Variants in LRMDA observed in about 807,000 individuals in gnomAD.
LRMDA encodes leucine-rich melanocyte differentiation-associated protein.
In LRMDA, 18 loss-of-function variants were observed where a neutral mutation model predicts 29.8. That is an observed-to-expected ratio of 0.60 (90% CI 0.42 to 0.90). The LOEUF is 0.90. Ranked by LOEUF, LRMDA falls within the 40% of genes least tolerant of loss-of-function variation. The pLI is 0.00. For missense variants in LRMDA, 273 were observed against 273.9 expected (o/e 1.00, Z 0.02); for synonymous variants, 125 against 109.4 (o/e 1.14, Z -0.89).
chr10:76,054,743 G>A (rs773910010), intron 4 of LRMDA, among the ~76,000 whole-genome samples: 4 of 151,014 alleles, frequency 2.6e-5, no homozygotes, highest in African/African-American at 4.9e-5. Context: ...AGCAGAAGAC[G>A]GAAGTTTTCT....
At chr10:75,568,134 G>T (rs1840396600) in intron 2 of LRMDA, among the ~76,000 whole-genome samples, 2 of 152,244 alleles carry the variant, frequency 1.3e-5, no homozygotes, top group South Asian at 4.1e-4. Flanking sequence ...TGAGTGTGAA[G>T]AGCTTACTGG....
intron 2 of LRMDA, among the ~76,000 whole-genome samples, chr10:75,561,870 G>A (rs530017305): frequency 1.2e-4 from 18 of 152,188 alleles, no homozygotes; most frequent in Non-Finnish European, 2.6e-4. Flanking sequence ...CTGAGTTCTA[G>A]TTTGATTGCA....
intron 2 of LRMDA, among the ~76,000 whole-genome samples, chr10:75,816,806 G>C (rs1234154072): frequency 6.6e-6 from 1 of 152,144 alleles, no homozygotes; most frequent in Non-Finnish European, 1.5e-5. Flanking sequence ...CTCTCTGGAG[G>C]CACAGCTCCC....
intron 2 of LRMDA, among the ~76,000 whole-genome samples, chr10:75,827,553 A>G (rs1844268398): frequency 6.6e-6 from 1 of 152,214 alleles, no homozygotes; most frequent in African/African-American, 2.4e-5. Flanking sequence ...ATAGTGGAGG[A>G]CAACAGAAAC....
At chr10:75,595,869 A>G (rs1360335453) in intron 2 of LRMDA, among the ~76,000 whole-genome samples, 1 of 87,768 alleles carries the variant, frequency 1.1e-5, no homozygotes, top group East Asian at 7.2e-4. Context: ...GTAGGTTACC[A>G]CATTTTCAGA....
At chr10:76,138,431 A>G (rs1478591733) in intron 5 of LRMDA, among the ~76,000 whole-genome samples, 4 of 152,156 alleles carry the variant, frequency 2.6e-5, no homozygotes, top group African/African-American at 7.2e-5. Flanking sequence ...CTACTTCACT[A>G]TAAATAAACC....
intron 6 of LRMDA, among the ~76,000 whole-genome samples, chr10:76,454,777 CAT>C (rs1842440817): frequency 6.6e-6 from 1 of 152,156 alleles, no homozygotes; most frequent in Admixed American, 6.5e-5. Flanking sequence ...ACAGAGGTCT[CAT>C]ATGCTGAGAA....
chr10:76,425,609 A>T (rs1842116298), intron 6 of LRMDA, among the ~76,000 whole-genome samples: 1 of 151,492 alleles, frequency 6.6e-6, no homozygotes, highest in Non-Finnish European at 1.5e-5. Context: ...TTTCATATAT[A>T]TTTTTTATTA....
At chr10:75,664,114 G>A (rs1276925226) in intron 2 of LRMDA, among the ~76,000 whole-genome samples, 2 of 152,158 alleles carry the variant, frequency 1.3e-5, no homozygotes, top group African/African-American at 4.8e-5. Flanking sequence ...TCTAGAAAAT[G>A]TAGCTGTTTT....
chr10:75,681,191 G>T (rs529685692), intron 2 of LRMDA, among the ~76,000 whole-genome samples: 3 of 152,186 alleles, frequency 2.0e-5, no homozygotes, highest in Non-Finnish European at 4.4e-5. Context: ...TTCCTTCAAT[G>T]CAGAGAGAGC....
intron 2 of LRMDA, among the ~76,000 whole-genome samples, chr10:75,805,068 G>C (rs1843826734): frequency 6.6e-6 from 1 of 152,196 alleles, no homozygotes; most frequent in Non-Finnish European, 1.5e-5. Flanking sequence ...TCTTCCCAGA[G>C]GGTCTTCAGA....
chr10:76,081,513 G>T (rs1849049314), intron 5 of LRMDA, among the ~76,000 whole-genome samples: 1 of 152,182 alleles, frequency 6.6e-6, no homozygotes, highest in South Asian at 2.1e-4. Flanking sequence ...TATAAAATCA[G>T]ATATAGCCAC....
intron 2 of LRMDA, among the ~76,000 whole-genome samples, chr10:75,873,515 G>T (rs1047036784): frequency 2.0e-5 from 3 of 152,150 alleles, no homozygotes; most frequent in Non-Finnish European, 4.4e-5. Flanking sequence ...AACTGGCTTT[G>T]TTCTTTGGGG....
chr10:76,460,077 C>G (rs144744394), intron 6 of LRMDA, among the ~76,000 whole-genome samples: 5 of 152,358 alleles, frequency 3.3e-5, no homozygotes, highest in African/African-American at 1.2e-4. Context: ...CAAAGCCTTT[C>G]ATAATGTGTC....
In LRMDA at chr10:76,425,808, T is replaced by C. The variant is rs566604704; in HGVS notation, c.601+101323T>C. Among the ~76,000 whole-genome samples the C allele has an allele frequency of 6.1e-5, 9 of 147,466 alleles. No individual in the cohort carries two copies. The South Asian group carries it at 2.0e-3, about 33-fold the overall frequency. On this transcript the variant is annotated intron_variant, in intron 6 of 6. Coordinates refer to ENST00000611255, the MANE Select transcript of LRMDA (RefSeq NM_001305581.2). ...TGATGTTCCCCTTCCTGTGTCCAAG[T>C]GTTCTCATTGTTCAGTTCCCACCTA...
chr10:75,585,091 G>C (rs1840640963), intron 2 of LRMDA, among the ~76,000 whole-genome samples: 1 of 152,196 alleles, frequency 6.6e-6, no homozygotes, highest in Non-Finnish European at 1.5e-5. Context: ...TTAGGATATA[G>C]AATATTCCTG....
chr10:75,976,843 G>GCC (rs1564621238), intron 2 of LRMDA, among the ~76,000 whole-genome samples: 1 of 152,088 alleles, frequency 6.6e-6, no homozygotes, highest in Non-Finnish European at 1.5e-5. Flanking sequence ...GTTCCTAATC[G>GCC]CCACATTACA....
intron 5 of LRMDA, among the ~76,000 whole-genome samples, chr10:76,299,209 TG>T (rs1167720769): frequency 6.7e-6 from 1 of 150,330 alleles, no homozygotes; most frequent in East Asian, 1.9e-4. Flanking sequence ...ACGCGCAATA[TG>T]TTTTAAGTAT....
intron 2 of LRMDA, among the ~76,000 whole-genome samples, chr10:75,795,290 A>C (rs1411493784): frequency 6.6e-6 from 1 of 152,206 alleles, no homozygotes; most frequent in African/African-American, 2.4e-5. Flanking sequence ...GTTATGCAGA[A>C]GGCTGAGGCA....
Sources: allele counts gnomAD v4.1 joint callset (sites outside exome capture counted in the v4.1 genomes callset), GRCh38; gene constraint gnomAD v4.1.1; transcripts MANE v1.5; gene names NCBI Gene and HGNC (gene_info 2026-07-23, HGNC 2026-07-21).